OSBPL9: variants seen among roughly 807,000 people sequenced by gnomAD.
The protein encoded by OSBPL9 is oxysterol binding protein like 9, also known as oxysterol-binding protein-related protein 9.
OSBPL9 carries 40 observed loss-of-function variants against 106.6 expected under a neutral mutation model. The observed-to-expected ratio is 0.38, with a 90% CI of 0.29 to 0.49. The LOEUF (loss-of-function observed/expected upper bound fraction) is 0.49, where lower values mean the gene tolerates loss of function less well. Ranked by LOEUF, OSBPL9 falls within the 20% of genes least tolerant of loss-of-function variation. The probability of loss-of-function intolerance (pLI) is 0.97; values close to 1 mark genes in which losing one functional copy is unlikely to be tolerated. For missense variants in OSBPL9, 609 were observed against 887.2 expected, an observed-to-expected ratio of 0.69 and a Z score of 3.98; for synonymous variants, 269 against 295.4, an observed-to-expected ratio of 0.91 and a Z score of 0.92.
At chr1:51,640,759 G>A (rs1645736780) in intron 1 of OSBPL9, among the ~76,000 whole-genome samples, 1 of 151,750 alleles carries the variant, frequency 6.6e-6, no homozygotes, top group Non-Finnish European at 1.5e-5. Context: ...CATTAATTAG[G>A]TTCTGAAAGA....
chr1:51,611,926 G>A (rs1442289511), intron 2 of OSBPL9, among the ~76,000 whole-genome samples: 2 of 152,234 alleles, frequency 1.3e-5, no homozygotes, highest in African/African-American at 4.8e-5. Context: ...AGTGAGCTGA[G>A]ATGGCGCTAC....
chr1:51,787,326 G>T (rs1192889256), intron 22 of OSBPL9, 27 bp from the exon 23 acceptor site: 5 of 1,604,188 alleles, frequency 3.1e-6, no homozygotes, highest in African/African-American at 2.7e-5. Flanking sequence ...CTCAACATTG[G>T]CAGCTCCTCT....
At chr1:51,575,202 G>A (rs79302925), upstream of OSBPL9, among the ~76,000 whole-genome samples, 6,008 of 151,836 alleles carry the variant, frequency 0.04, 169 homozygotes, top group Non-Finnish European at 0.062. Flanking sequence ...GGTTTTGTTT[G>A]TTTGTTTCAT....
chr1:51,574,843 T>G (rs1645174064), upstream of OSBPL9, among the ~76,000 whole-genome samples: 1 of 152,206 alleles, frequency 6.6e-6, no homozygotes, highest in Non-Finnish European at 1.5e-5. Context: ...GAATTAGTAA[T>G]GATGACAATG....
At chr1:51,662,835 C>T (rs1183802075) in intron 2 of OSBPL9, among the ~76,000 whole-genome samples, 1 of 150,396 alleles carries the variant, frequency 6.6e-6, no homozygotes, top group Non-Finnish European at 1.5e-5. Flanking sequence ...AGCTCCACCT[C>T]CCAGGTTCAC....
In OSBPL9 at chr1:51,782,771, G is replaced by A. The variant is rs1304037662; in HGVS notation, c.1513+128G>A. 4.2e-6 allele frequency: 3 copies of A among 719,252 alleles called. No individual in the cohort carries two copies. The East Asian group carries it at 8.2e-5, about 20-fold the overall frequency. 44.6% of individuals were successfully genotyped at this position (719,252 alleles called of 1,614,324 possible). Reference sequence around the variant, plus strand: ...AGCTGTGTGTTTCTTATTCCCTGAAGTGGAAACTCAAGTTGATTTGTTCCT... The same window carrying A: ...AGCTGTGTGTTTCTTATTCCCTGAAATGGAAACTCAAGTTGATTTGTTCCT... On this transcript the variant is annotated intron_variant, in intron 17 of 23. Coordinates refer to ENST00000428468, the MANE Select transcript of OSBPL9 (RefSeq NM_024586.6).
chr1:51,570,879 T>A, the OSBPL9 span, among the ~76,000 whole-genome samples: 2 of 152,074 alleles, frequency 1.3e-5, no homozygotes, highest in African/African-American at 2.4e-5. Context: ...TGGAGTGCAG[T>A]GGCATAATCT....
intron 1 of OSBPL9, among the ~76,000 whole-genome samples, chr1:51,649,250 G>T (rs370010716): frequency 6.6e-6 from 1 of 152,144 alleles, no homozygotes; most frequent in African/African-American, 2.4e-5. Flanking sequence ...GGGATTACAG[G>T]TGTGCACCAC....
Position 51,745,649 on chromosome 1 carries a change from A to T in OSBPL9, c.414+18A>T, listed in dbSNP as rs1418457250. 2.7e-6 allele frequency: 4 copies of T among 1,497,962 alleles called. No homozygotes were observed. The highest frequency in any genetic ancestry group is 2.2e-4 in the Middle Eastern group (1 of 4,624). 92.8% of individuals were successfully genotyped at this position (1,497,962 alleles called of 1,614,324 possible). ...AATTAAAGGTATGGCATTAGTTTGT[A>T]TATTAAATTTATATAAATAGAAAAT... On this transcript the variant is annotated intron_variant, in intron 5 of 23. Coordinates refer to ENST00000428468, the MANE Select transcript of OSBPL9 (RefSeq NM_024586.6).
chr1:51,673,806 C>G (rs1012234305), intron 3 of OSBPL9, among the ~76,000 whole-genome samples: 1 of 152,008 alleles, frequency 6.6e-6, no homozygotes, highest in Non-Finnish European at 1.5e-5. Flanking sequence ...GAGTTTAAGA[C>G]TGTAGTGTTC....
chr1:51,702,991 C>G (rs1657639049), intron 3 of OSBPL9, among the ~76,000 whole-genome samples: 1 of 152,102 alleles, frequency 6.6e-6, no homozygotes, highest in Non-Finnish European at 1.5e-5. Context: ...CTGTTCTGTT[C>G]CATTGGTCTA....
chr1:51,770,632 T>A (rs1475640795), intron 12 of OSBPL9, among the ~76,000 whole-genome samples: 1 of 152,200 alleles, frequency 6.6e-6, no homozygotes, highest in Non-Finnish European at 1.5e-5. Flanking sequence ...CTTTTAGACA[T>A]ATTTTCCATT....
chr1:51,780,033 G>A (rs556863991), intron 15 of OSBPL9, among the ~76,000 whole-genome samples: 5 of 150,402 alleles, frequency 3.3e-5, no homozygotes, highest in East Asian at 3.9e-4. Context: ...AGCCAAGATC[G>A]CGCCACTGCA....
At chr1:51,637,292 A>G (rs1170398305) in intron 1 of OSBPL9, among the ~76,000 whole-genome samples, 1 of 152,136 alleles carries the variant, frequency 6.6e-6, no homozygotes, top group Non-Finnish European at 1.5e-5. Flanking sequence ...GGAGTTCAAG[A>G]ACAGCCTGAC....
the OSBPL9 span, among the ~76,000 whole-genome samples, chr1:51,549,512 G>A: frequency 5.0e-4 from 76 of 152,278 alleles, no homozygotes; most frequent in Admixed American, 1.2e-3. Context: ...GTCTGACTCC[G>A]TGGCTGTTGG....
intron 1 of OSBPL9, 113 bp downstream of exon 1, chr1:51,617,334 C>A: frequency 1.8e-6 from 2 of 1,088,914 alleles, no homozygotes; most frequent in Admixed American, 2.7e-5. Flanking sequence ...GGGGGTGCCG[C>A]CGTACGCGAG....
intron 15 of OSBPL9, among the ~76,000 whole-genome samples, chr1:51,777,843 A>G (rs1675422790): frequency 6.6e-6 from 1 of 152,106 alleles, no homozygotes; most frequent in Admixed American, 6.6e-5. Flanking sequence ...TGAGAATTTA[A>G]ACTTTGAGGC....
chr1:51,681,143 T>G (rs1014782190), intron 3 of OSBPL9, among the ~76,000 whole-genome samples: 194 of 152,316 alleles, frequency 1.3e-3, no homozygotes, highest in African/African-American at 4.3e-3. Context: ...GTTTTTTCAG[T>G]TTGGAATACA....
chr1:51,536,062 T>A, the OSBPL9 span, among the ~76,000 whole-genome samples: 8 of 152,178 alleles, frequency 5.3e-5, no homozygotes, highest in Admixed American at 5.2e-4. Flanking sequence ...CCTTAAATAT[T>A]TCAATGTGTA....
Sources: allele counts gnomAD v4.1 joint callset (sites outside exome capture counted in the v4.1 genomes callset), GRCh38; gene constraint gnomAD v4.1.1; transcripts MANE v1.5; gene names NCBI Gene and HGNC (gene_info 2026-07-23, HGNC 2026-07-21).